The following NTNG1 variants were observed in gnomAD, a reference collection of about 807,000 sequenced individuals.
NTNG1 encodes the protein netrin-G1.
A neutral mutation model predicts 54.0 loss-of-function variants in NTNG1; 16 were observed. That is an observed-to-expected ratio of 0.30 (90% CI 0.20 to 0.45). NTNG1 has a LOEUF of 0.45. Among genes scored for constraint, NTNG1 ranks in the 20% least tolerant of loss-of-function variants. NTNG1 has a pLI of 1.00. For synonymous variants in NTNG1, 255 were observed against 263.1 expected, an observed-to-expected ratio of 0.97 and a Z score of 0.30; for missense variants, 530 against 678.7, an observed-to-expected ratio of 0.78 and a Z score of 2.43.
chr1:107,217,391 A>G (rs1187396891), intron 2 of NTNG1, among the ~76,000 whole-genome samples: 1 of 152,078 alleles, frequency 6.6e-6, no homozygotes, highest in African/African-American at 2.4e-5. Flanking sequence ...TTTTCAAAGA[A>G]CCAGCTTTTT....
chr1:107,170,565 A>G (rs1242542878), intron 2 of NTNG1, among the ~76,000 whole-genome samples: 1 of 152,166 alleles, frequency 6.6e-6, no homozygotes, highest in Non-Finnish European at 1.5e-5. Context: ...ATTTAGCATC[A>G]TTAGTATTAA....
chr1:107,201,786 C>T (rs940390567), intron 2 of NTNG1, among the ~76,000 whole-genome samples: 1 of 151,860 alleles, frequency 6.6e-6, no homozygotes, highest in African/African-American at 2.4e-5. Context: ...ACAGATATTT[C>T]TTCAGGCACA....
In NTNG1 at chr1:107,324,258, C is replaced by A. The variant is rs749073388; in HGVS notation, c.247-24C>A. The A allele has an allele frequency of 2.5e-6, 4 of 1,601,474 alleles. No homozygotes were observed. The East Asian group carries it at 6.7e-5, about 27-fold the overall frequency. Reference sequence around the variant, plus strand: ...TGTGGCAAACCAGTGTTTTGATGCACGCTCTTTTGTTCTTCTTCCATAGGG... The same window carrying A: ...TGTGGCAAACCAGTGTTTTGATGCAAGCTCTTTTGTTCTTCTTCCATAGGG... On this transcript the variant is annotated intron_variant, in intron 2 of 7. Transcript: ENST00000370068.
chr1:107,395,466 T>C (rs750908993), intron 4 of NTNG1, 140 bp downstream of exon 4: 3 of 813,826 alleles, frequency 3.7e-6, no homozygotes, highest in African/African-American at 3.3e-5. Flanking sequence ...TTTCAGTCCC[T>C]ATCTTACCTC....
intron 3 of NTNG1, among the ~76,000 whole-genome samples, chr1:107,361,166 TATA>T (rs1670247474): frequency 6.9e-6 from 1 of 144,406 alleles, no homozygotes. Context: ...TTATATAAAA[TATA>T]ATATATATTA....
At chr1:107,246,254 C>T (rs535727655) in intron 2 of NTNG1, among the ~76,000 whole-genome samples, 42 of 152,200 alleles carry the variant, frequency 2.8e-4, no homozygotes, top group African/African-American at 8.7e-4. Flanking sequence ...GGGGTTTCAC[C>T]GTGTTAGCCA....
chr1:107,247,434 A>T (rs1384944838), intron 2 of NTNG1, among the ~76,000 whole-genome samples: 1 of 152,218 alleles, frequency 6.6e-6, no homozygotes, highest in Non-Finnish European at 1.5e-5. Context: ...ATGCAAAGTC[A>T]TACAAGTTAC....
chr1:107,465,624 G>T (rs1677553848), intron 7 of NTNG1, among the ~76,000 whole-genome samples: 1 of 152,212 alleles, frequency 6.6e-6, no homozygotes, highest in South Asian at 2.1e-4. Context: ...CCATGAGCAA[G>T]ATCTTAAAGA....
intron 2 of NTNG1, among the ~76,000 whole-genome samples, chr1:107,260,538 C>A (rs1029589459): frequency 6.6e-6 from 1 of 152,144 alleles, no homozygotes. Flanking sequence ...CCTGGAGTCA[C>A]GTGCCCGTAG....
intron 3 of NTNG1, among the ~76,000 whole-genome samples, chr1:107,383,274 C>G (rs1278179854): frequency 6.6e-6 from 1 of 152,148 alleles, no homozygotes; most frequent in Non-Finnish European, 1.5e-5. Context: ...CTAGCCAGAG[C>G]CTGCCTGAAC....
At chr1:107,284,352 G>C (rs1456150042) in intron 2 of NTNG1, among the ~76,000 whole-genome samples, 2 of 152,052 alleles carry the variant, frequency 1.3e-5, no homozygotes, top group Non-Finnish European at 2.9e-5. Flanking sequence ...GATGATACTT[G>C]AATATCCCCA....
At chr1:107,169,387 T>G (rs1258889043) in intron 2 of NTNG1, among the ~76,000 whole-genome samples, 1 of 152,150 alleles carries the variant, frequency 6.6e-6, no homozygotes, top group Non-Finnish European at 1.5e-5. Context: ...ATTTTCTGCA[T>G]AGTGGTGAAG....
intron 3 of NTNG1, among the ~76,000 whole-genome samples, chr1:107,354,907 G>C (rs961394621): frequency 1.3e-5 from 2 of 152,074 alleles, no homozygotes; most frequent in Non-Finnish European, 2.9e-5. Context: ...AGTGTGATGG[G>C]TTTGACATTA....
chr1:107,175,192 A>C (rs558711032), intron 2 of NTNG1, among the ~76,000 whole-genome samples: 3 of 152,296 alleles, frequency 2.0e-5, no homozygotes, highest in African/African-American at 7.2e-5. Context: ...AGATGACTGA[A>C]GTTTAACAAT....
At chr1:107,431,845 T>C (rs545592425) in intron 6 of NTNG1, among the ~76,000 whole-genome samples, 11 of 152,210 alleles carry the variant, frequency 7.2e-5, no homozygotes, top group Non-Finnish European at 1.5e-4. Flanking sequence ...GGTAGACTTT[T>C]TCACATTGAG....
chr1:107,456,866 A>G (rs1000120466), intron 7 of NTNG1, among the ~76,000 whole-genome samples: 2 of 152,236 alleles, frequency 1.3e-5, no homozygotes, highest in African/African-American at 2.4e-5. Flanking sequence ...ATCTTTCTCC[A>G]TAAGGCCATA....
chr1:107,265,906 A>C (rs963775443), intron 2 of NTNG1, among the ~76,000 whole-genome samples: 2 of 152,156 alleles, frequency 1.3e-5, no homozygotes, highest in African/African-American at 4.8e-5. Context: ...AGTAATAATC[A>C]ATGTATTTGA....
chr1:107,362,179 A>G (rs374963295), intron 3 of NTNG1, among the ~76,000 whole-genome samples: 1 of 152,198 alleles, frequency 6.6e-6, no homozygotes. Context: ...TCTCTCTCTG[A>G]TCAATTTTCT....
intron 3 of NTNG1, among the ~76,000 whole-genome samples, chr1:107,358,919 C>T (rs1157843793): frequency 6.6e-6 from 1 of 152,130 alleles, no homozygotes; most frequent in Non-Finnish European, 1.5e-5. Flanking sequence ...CTTGACAGCT[C>T]CACTGTAAAT....
Sources: allele counts gnomAD v4.1 joint callset (sites outside exome capture counted in the v4.1 genomes callset), GRCh38; gene constraint gnomAD v4.1.1; transcripts MANE v1.5; gene names NCBI Gene and HGNC (gene_info 2026-07-23, HGNC 2026-07-21).